HSP90AB1: variants seen among roughly 807,000 people sequenced by gnomAD.
HSP90AB1 encodes the protein heat shock protein 90 alpha family class B member 1, also known as heat shock protein HSP 90-beta.
A neutral mutation model predicts 67.8 loss-of-function variants in HSP90AB1; 17 were observed. The observed-to-expected ratio is 0.25, with a 90% CI of 0.17 to 0.38. HSP90AB1 has a LOEUF of 0.38. Among genes scored for constraint, HSP90AB1 ranks in the 10% least tolerant of loss-of-function variants. The pLI, the probability that HSP90AB1 is intolerant of heterozygous loss-of-function variation, is 1.00. For missense variants in HSP90AB1, 690 were observed against 899.9 expected (o/e 0.77, Z 2.98); for synonymous variants, 390 against 312.9 (o/e 1.25, Z -2.60).
chr6:44,249,977 AT>A, intron 4 of HSP90AB1, 43 bp from the exon 5 acceptor site: 2 of 1,611,926 alleles, frequency 1.2e-6, no homozygotes, highest in Non-Finnish European at 1.7e-6. Context: ...TCTCAACTGC[AT>A]ATACTTTTTA....
intron 6 of HSP90AB1, 62 bp downstream of exon 6, chr6:44,250,661 AAG>A: frequency 1.1e-6 from 1 of 909,612 alleles, no homozygotes; most frequent in East Asian, 2.4e-5. Context: ...AGTTAGGTGG[AAG>A]AGTGTTGGGT....
Position 44,248,088 on chromosome 6 carries a change from C to G in HSP90AB1, c.1-542C>G, listed in dbSNP as rs191771110. 1.3e-3 allele frequency: 192 copies of G among 152,580 alleles called. 1 individual carries two copies. The highest frequency in any genetic ancestry group is 3.2e-3 in the Admixed American group (49 of 15,320). 9.5% of individuals were successfully genotyped at this position (152,580 alleles called of 1,614,324 possible). A position where few individuals can be genotyped will look rare whatever the true frequency, so the allele number is the denominator to read the frequency against. On this transcript the variant is annotated intron_variant, in intron 1 of 11. Coordinates refer to ENST00000371646, the MANE Select transcript of HSP90AB1 (RefSeq NM_007355.4). ...ATTTAATTGCTCCTCCGGTGGGTATCGTATGGATCCCAGGTTATTCCTCCC... is the reference window on the plus strand; with the variant it reads ...ATTTAATTGCTCCTCCGGTGGGTATGGTATGGATCCCAGGTTATTCCTCCC...
chr6:44,252,650 C>T (rs1049872203), intron 10 of HSP90AB1, among the ~76,000 whole-genome samples: 1 of 152,190 alleles, frequency 6.6e-6, no homozygotes, highest in Non-Finnish European at 1.5e-5. Context: ...CGCCCGCCAC[C>T]ACACCCCGGC....
At position 44,249,312 on chromosome 6, in the gene HSP90AB1, C is replaced by T. The variant is rs895572612; in HGVS notation, c.148-65C>T. 1.6e-4 allele frequency: 217 copies of T among 1,363,202 alleles called. 2 individuals carry two copies. The highest frequency in any genetic ancestry group is 2.0e-4 in the Non-Finnish European group (195 of 958,820). The allele number at this position is 1,363,202 out of a possible 1,614,324, so 84.4% of individuals were successfully genotyped here. On this transcript the variant is annotated intron_variant, in intron 2 of 11. Transcript: ENST00000371646. ...TGTCATCCTTGCCACTGCACTGTAG[C>T]TTGGGCAACAGAGCAAGAGTCTGTC...
rs1191801772 is a variant in HSP90AB1, at chr6:44,250,130, C to T, written c.624C>T (p.Phe208=). The T allele has an allele frequency of 1.9e-6, 3 of 1,614,150 alleles. No individual in the cohort carries two copies. Among genetic ancestry groups the T allele is most frequent in the South Asian group, 2.2e-5 (2 of 91,080 alleles). ...AAGTAGTGAAGAAGCATTCTCAGTT[C>T]ATAGGCTATCCCATCACCCTTTATG... ...VKEVVKKHSQ[F]IGYPITLYLE... Residue 208 remains phenylalanine, a synonymous_variant, in exon 5 of 12, where the codon TTC becomes TTT. Transcript: ENST00000371646.
Position 44,251,894 on chromosome 6 carries a change from C to G in HSP90AB1, c.1462+10C>G. Reference sequence around the variant, plus strand: ...ATCTATTACATCACTGGTGCGTTGACTCTGATTGAAGCCTTTTTGGAGGAG... The same window carrying G: ...ATCTATTACATCACTGGTGCGTTGAGTCTGATTGAAGCCTTTTTGGAGGAG... On this transcript the variant is annotated intron_variant, in intron 9 of 11. Coordinates refer to ENST00000371646, the MANE Select transcript of HSP90AB1 (RefSeq NM_007355.4). 1 of 1,613,314 alleles carries G rather than the reference C, an allele frequency of 6.2e-7. No homozygotes were observed.
chr6:44,251,951 G>A (rs1410991931), intron 9 of HSP90AB1, 48 bp from the exon 10 acceptor site: 1 of 1,613,356 alleles, frequency 6.2e-7, no homozygotes, highest in Admixed American at 1.7e-5. Context: ...CCTGGGAACT[G>A]GCAGTATGAG....
chr6:44,249,306 C>G, intron 2 of HSP90AB1, 71 bp from the exon 3 acceptor site: 1 of 1,300,902 alleles, frequency 7.7e-7, no homozygotes, highest in African/African-American at 1.4e-5. Flanking sequence ...TGCCACTGCA[C>G]TGTAGCTTGG....
chr6:44,247,707 A>G (rs1478229722), intron 1 of HSP90AB1, among the ~76,000 whole-genome samples: 3 of 152,184 alleles, frequency 2.0e-5, no homozygotes, highest in African/African-American at 7.2e-5. Flanking sequence ...TTCGGTCTCC[A>G]GCACCCGATA....
Position 44,249,756 on chromosome 6 carries a change from A to G in HSP90AB1, c.436A>G (p.Ile146Val). Residue 146 changes from isoleucine (I) to valine (V), a missense_variant, in exon 4 of 12, where the codon ATC becomes GTC. By Grantham distance (29) the Ile-to-Val change is conservative. Transcript: ENST00000371646. Reference protein sequence around the residue: ...AYLVAEKVVVITKHNDDEQYA... With the variant: ...AYLVAEKVVVVTKHNDDEQYA... Reference sequence around the variant, plus strand: ...CTTGGTGGCAGAGAAAGTGGTTGTGATCACAAAGCACAACGATGATGAACA... The same window carrying G: ...CTTGGTGGCAGAGAAAGTGGTTGTGGTCACAAAGCACAACGATGATGAACA... 1 of 1,613,970 alleles carries G rather than the reference A, an allele frequency of 6.2e-7. No homozygotes were observed. Among genetic ancestry groups the G allele is most frequent in the Non-Finnish European group, 8.5e-7 (1 of 1,179,928 alleles).
rs201634463 is a variant in HSP90AB1, at chr6:44,249,472, A to C, written c.243A>C (p.Glu81Asp). The C allele has an allele frequency of 6.2e-7, 1 of 1,613,896 alleles. No homozygotes were observed. The highest frequency in any genetic ancestry group is 1.3e-5 in the African/African-American group (1 of 74,944). Residue 81 changes from glutamate to aspartate, a missense_variant, in exon 3 of 12, where the codon GAA becomes GAC. Glu to Asp is a conservative substitution (Grantham distance 45). Around this residue, in one of 7 missense-constraint regions of HSP90AB1, gnomAD observed 88 missense variants for 167.7 expected, o/e 0.52. Coordinates refer to ENST00000371646, the MANE Select transcript of HSP90AB1 (RefSeq NM_007355.4). ...LKIDIIPNPQ[E>D]RTLTLVDTGI... ...TTGACATCATCCCCAACCCTCAGGA[A>C]CGTACCCTGACTTTGGTAGACACAG...
rs2153318125 is a variant in HSP90AB1 at position 44,248,790 on chromosome 6, T to C, written c.147+14T>C. On this transcript the variant is annotated intron_variant, in intron 2 of 11. Coordinates refer to ENST00000371646, the MANE Select transcript of HSP90AB1 (RefSeq NM_007355.4). ...AATGCTTCTGATGTAGGTGCTCTGG[T>C]TTCCACATTTGGCATGGTTTTTTTT... 6.4e-7 allele frequency: 1 copy of C among 1,573,830 alleles called. No homozygotes were observed. The highest frequency in any genetic ancestry group is 2.2e-5 in the East Asian group (1 of 44,530).
In HSP90AB1 at chr6:44,250,052, C is replaced by G. The variant is rs771035836; in HGVS notation, c.546C>G (p.Ile182Met). 2 of 1,614,102 alleles carry G rather than the reference C, an allele frequency of 1.2e-6. No homozygotes were observed. Residue 182 changes from isoleucine to methionine, a missense_variant, in exon 5 of 12, where the codon ATC becomes ATG. By Grantham distance (10) the Ile-to-Met change is conservative (BLOSUM62 1). Around this residue, in one of 7 missense-constraint regions of HSP90AB1, gnomAD observed 146 missense variants for 143.7 expected, o/e 1.02. Transcript: ENST00000371646. ...CCATTGGCAGGGGTACCAAAGTGATCCTCCATCTTAAAGAAGATCAGACAG... is the reference window on the plus strand; with the variant it reads ...CCATTGGCAGGGGTACCAAAGTGATGCTCCATCTTAAAGAAGATCAGACAG... ...GEPIGRGTKVILHLKEDQTEY... is the reference protein window; with the variant it reads ...GEPIGRGTKVMLHLKEDQTEY...
intron 6 of HSP90AB1, 60 bp from the exon 7 acceptor site, chr6:44,250,988 T>C (rs1780575317): frequency 1.4e-6 from 2 of 1,387,330 alleles, no homozygotes; most frequent in South Asian, 2.3e-5. Context: ...TTAGATAATT[T>C]GGTGTTGGGG....
At chr6:44,252,296 T>C (rs771207654) in intron 10 of HSP90AB1, 29 bp downstream of exon 10, 5 of 1,599,576 alleles carry the variant, frequency 3.1e-6, no homozygotes, top group Non-Finnish European at 4.3e-6. Context: ...AGGATATATT[T>C]TGTAACATCT....
At chr6:44,249,917 C>T (rs9367190) in intron 4 of HSP90AB1, 83 bp downstream of exon 4, 2 of 1,585,172 alleles carry the variant, frequency 1.3e-6, no homozygotes, top group African/African-American at 1.3e-5. Context: ...GGCATCCTGT[C>T]TGTAAAGCAG....
At chr6:44,251,939 T>C in intron 9 of HSP90AB1, 55 bp downstream of exon 9, 1 of 1,613,308 alleles carries the variant, frequency 6.2e-7, no homozygotes, top group Non-Finnish European at 8.5e-7. Flanking sequence ...CAATTAGGGC[T>C]TCCTGGGAAC....
chr6:44,249,022 G>C (rs1780327061), intron 2 of HSP90AB1, among the ~76,000 whole-genome samples: 1 of 151,832 alleles, frequency 6.6e-6, no homozygotes, highest in Non-Finnish European at 1.5e-5. Flanking sequence ...TTGAGGCTGA[G>C]AGAGGTAAAC....
chr6:44,252,991 G>C, intron 10 of HSP90AB1, 54 bp from the exon 11 acceptor site: 2 of 1,469,598 alleles, frequency 1.4e-6, no homozygotes, highest in East Asian at 2.3e-5. Flanking sequence ...GACAATGCCT[G>C]TTTTCTCTTT....
Sources: allele counts gnomAD v4.1 joint callset (sites outside exome capture counted in the v4.1 genomes callset), GRCh38; gene constraint gnomAD v4.1.1; regional missense constraint gnomAD v4.1.1; transcripts MANE v1.5; gene names NCBI Gene and HGNC (gene_info 2026-07-23, HGNC 2026-07-21).